Variants in JAKMIP2 observed in about 807,000 individuals in gnomAD.
JAKMIP2 encodes the protein janus kinase and microtubule-interacting protein 2.
Under a neutral mutation model 115.0 loss-of-function variants are expected in JAKMIP2, and 25 were observed. The ratio of observed to expected loss-of-function variants is 0.22; its 90% CI spans 0.16 to 0.30. The LOEUF is 0.30. JAKMIP2 is among the 10% of genes least tolerant of loss of function. The pLI is 1.00. For synonymous variants in JAKMIP2, 334 were observed against 343.6 expected, an observed-to-expected ratio of 0.97 and a Z score of 0.31; for missense variants, 642 against 957.6, an observed-to-expected ratio of 0.67 and a Z score of 4.35.
chr5:147,763,115 C>A (rs1330724340), intron 1 of JAKMIP2, among the ~76,000 whole-genome samples: 2 of 152,110 alleles, frequency 1.3e-5, no homozygotes. Flanking sequence ...CAGTTCCAAA[C>A]ACCAGACCAC....
chr5:147,684,296 AACACAC>A (rs10565596), intron 1 of JAKMIP2, among the ~76,000 whole-genome samples: 25,499 of 147,364 alleles, frequency 0.17, 2,199 homozygotes, highest in East Asian at 0.32. Flanking sequence ...AGTGCCAGAG[AACACAC>A]ACACACACAC....
chr5:147,747,403 C>T (rs1480903113), intron 1 of JAKMIP2, among the ~76,000 whole-genome samples: 1 of 152,064 alleles, frequency 6.6e-6, no homozygotes, highest in Non-Finnish European at 1.5e-5. Flanking sequence ...TTAAAAATTA[C>T]AACACGGGCA....
intron 1 of JAKMIP2, among the ~76,000 whole-genome samples, chr5:147,755,627 C>T (rs1450948278): frequency 6.6e-6 from 1 of 152,008 alleles, no homozygotes; most frequent in Non-Finnish European, 1.5e-5. Context: ...GAAAACTAAC[C>T]AAGGCAGATT....
At chr5:147,678,959 T>TTTTA (rs60338770) in intron 1 of JAKMIP2, among the ~76,000 whole-genome samples, 2,849 of 147,980 alleles carry the variant, frequency 0.019, 43 homozygotes, top group East Asian at 0.053. Context: ...CCAACTACAT[T>TTTTA]TTTATTTATT....
At chr5:147,631,576 G>A in intron 13 of JAKMIP2, 65 bp from the exon 14 acceptor site, 2 of 1,048,950 alleles carry the variant, frequency 1.9e-6, no homozygotes, top group Non-Finnish European at 2.9e-6. Context: ...CACTAAACCA[G>A]TGGTCTCTTT....
intron 1 of JAKMIP2, among the ~76,000 whole-genome samples, chr5:147,677,062 T>G (rs1760007463): frequency 6.6e-6 from 1 of 152,218 alleles, no homozygotes; most frequent in Non-Finnish European, 1.5e-5. Flanking sequence ...CAAACCTGTT[T>G]AAATTCCACC....
At chr5:147,622,068 T>C (rs10042730) in intron 17 of JAKMIP2, among the ~76,000 whole-genome samples, 28 of 152,330 alleles carry the variant, frequency 1.8e-4, no homozygotes, top group African/African-American at 6.3e-4. Context: ...GGTTTCTCCA[T>C]GTTGGTCAGG....
intron 2 of JAKMIP2, 123 bp from the exon 3 acceptor site, chr5:147,661,568 G>A (rs746204170): frequency 3.6e-5 from 37 of 1,018,132 alleles, no homozygotes; most frequent in African/African-American, 4.8e-5. Flanking sequence ...TCCAATTCCA[G>A]GCCCTCTGAG....
intron 1 of JAKMIP2, among the ~76,000 whole-genome samples, chr5:147,748,601 G>T (rs1003190384): frequency 5.9e-5 from 9 of 152,080 alleles, no homozygotes; most frequent in Non-Finnish European, 8.8e-5. Flanking sequence ...CTACCCGAGG[G>T]CCAGGTATGT....
intron 17 of JAKMIP2, among the ~76,000 whole-genome samples, chr5:147,622,313 T>C (rs750585548): frequency 1.4e-4 from 21 of 152,244 alleles, no homozygotes; most frequent in African/African-American, 5.1e-4. Context: ...TTTGAGTGTA[T>C]AGTTCAGTAG....
chr5:147,763,633 G>A (rs2127053352), intron 1 of JAKMIP2, among the ~76,000 whole-genome samples: 1 of 152,184 alleles, frequency 6.6e-6, no homozygotes, highest in East Asian at 1.9e-4. Flanking sequence ...GAGGTGGAGA[G>A]GAATCTGAAA....
chr5:147,768,270 C>T (rs936709306), intron 1 of JAKMIP2, among the ~76,000 whole-genome samples: 4 of 152,122 alleles, frequency 2.6e-5, no homozygotes, highest in African/African-American at 4.8e-5. Context: ...TTACAGCTTA[C>T]CGTGCTTTTA....
Position 147,588,306 on chromosome 5 carries a change from C to T in JAKMIP2, c.*3401G>A, listed in dbSNP as rs1288162181. The T allele has an allele frequency of 6.6e-6, 1 of 151,868 alleles. No individual in the cohort carries two copies. Among genetic ancestry groups the T allele is most frequent in the African/African-American group, 2.4e-5 (1 of 41,426 alleles). The allele number at this position is 151,868 out of a possible 1,614,324, so 9.4% of individuals were successfully genotyped here. ...TATTGAGAAAAATTAAGTTAATGAA[C>T]CCGGAAGAATGCTGTTCTGACTGCT... On this transcript the variant is annotated 3_prime_UTR_variant, in exon 22 of 22. Coordinates refer to ENST00000616793, the MANE Select transcript of JAKMIP2 (RefSeq NM_001270941.2).
rs927342381 is a variant in JAKMIP2 at position 147,716,549 on chromosome 5, A to G, written c.-148-44595T>C. On this transcript the variant is annotated intron_variant, in intron 1 of 21. Transcript: ENST00000616793. ...AATGATTGCCATTCTAACTGGTGTG[A>G]GATGGTATCTCATTGCGGTTTTGAT... Among the ~76,000 whole-genome samples the G allele has an allele frequency of 2.6e-5, 4 of 152,056 alleles. 1 individual carries two copies. The highest frequency in any genetic ancestry group is 1.3e-4 in the Admixed American group (2 of 15,268).
At chr5:147,737,557 G>T (rs1753973380) in intron 1 of JAKMIP2, among the ~76,000 whole-genome samples, 1 of 152,120 alleles carries the variant, frequency 6.6e-6, no homozygotes, top group Admixed American at 6.5e-5. Flanking sequence ...CAGACCTCCA[G>T]GTTTAGCTAT....
chr5:147,741,881 C>T (rs2126996560), intron 1 of JAKMIP2, among the ~76,000 whole-genome samples: 1 of 152,004 alleles, frequency 6.6e-6, no homozygotes, highest in Admixed American at 6.6e-5. Context: ...ATTTGCTGCT[C>T]TATGTCCCAA....
intron 19 of JAKMIP2, among the ~76,000 whole-genome samples, chr5:147,616,352 T>C (rs1756582535): frequency 6.6e-6 from 1 of 152,090 alleles, no homozygotes. Context: ...GGATGGAAAA[T>C]GTCAATGAAA....
At chr5:147,691,639 C>T (rs1416241728) in intron 1 of JAKMIP2, among the ~76,000 whole-genome samples, 4 of 152,162 alleles carry the variant, frequency 2.6e-5, no homozygotes, top group Non-Finnish European at 4.4e-5. Flanking sequence ...AGCTTTGGCC[C>T]TGAAGGATTC....
At chr5:147,670,442 C>T (rs1041769922) in intron 2 of JAKMIP2, among the ~76,000 whole-genome samples, 1 of 152,134 alleles carries the variant, frequency 6.6e-6, no homozygotes, top group Non-Finnish European at 1.5e-5. Context: ...GGAGCGAAAA[C>T]ATCTTATGAA....
Sources: allele counts gnomAD v4.1 joint callset (sites outside exome capture counted in the v4.1 genomes callset), GRCh38; gene constraint gnomAD v4.1.1; transcripts MANE v1.5; gene names NCBI Gene and HGNC (gene_info 2026-07-23, HGNC 2026-07-21).